Variants in TIMP2 observed in about 807,000 individuals in gnomAD.
TIMP2 encodes TIMP metallopeptidase inhibitor 2.
Under a neutral mutation model 24.3 loss-of-function variants are expected in TIMP2, and 5 were observed. That is an observed-to-expected ratio of 0.21 (90% CI 0.11 to 0.43). TIMP2 has a LOEUF of 0.43. Among genes scored for constraint, TIMP2 ranks in the 20% least tolerant of loss-of-function variants. The probability of loss-of-function intolerance (pLI) is 1.00; values close to 1 mark genes in which losing one functional copy is unlikely to be tolerated. For synonymous variants in TIMP2, 130 were observed against 123.2 expected (o/e 1.06, Z -0.37); for missense variants, 221 against 297.5 (o/e 0.74, Z 1.89).
intron 3 of TIMP2, among the ~76,000 whole-genome samples, chr17:78,870,421 AAAAGAAAG>A (rs374853871): frequency 5.8e-5 from 4 of 68,406 alleles, no homozygotes; most frequent in East Asian, 5.7e-4. Context: ...GTCTCAAAAA[AAAAGAAAG>A]AAAGAAAGAA....
At chr17:78,863,626 T>G (rs1479550735) in intron 3 of TIMP2, among the ~76,000 whole-genome samples, 1 of 152,182 alleles carries the variant, frequency 6.6e-6, no homozygotes, top group Non-Finnish European at 1.5e-5. Context: ...CAGGGAGCAA[T>G]GCCCTTTCAG....
intron 4 of TIMP2, 70 bp downstream of exon 4, chr17:78,857,452 C>A: frequency 6.3e-7 from 1 of 1,599,562 alleles, no homozygotes; most frequent in Non-Finnish European, 8.5e-7. Context: ...AGCCAGGGAT[C>A]AAAATCCCTG....
chr17:78,918,065 AACACACACACACACACACAC>A (rs57256110), intron 1 of TIMP2, among the ~76,000 whole-genome samples: 2 of 144,812 alleles, frequency 1.4e-5, no homozygotes, highest in Admixed American at 1.4e-4. Flanking sequence ...TGCACACACA[AACACACACACACACACACAC>A]ACACACACAC....
At chr17:78,856,038 G>A in intron 4 of TIMP2, 174 bp from the exon 5 acceptor site, 2 of 654,176 alleles carry the variant, frequency 3.1e-6, no homozygotes, top group Admixed American at 5.0e-5. Context: ...CCTGCGAGGG[G>A]GTCTAACCTG....
chr17:78,924,857 TG>T lies in TIMP2; in HGVS notation c.130+101del. The T allele has an allele frequency of 7.0e-6, 5 of 717,808 alleles. No individual in the cohort carries two copies. The South Asian group carries it at 2.0e-4, about 28-fold the overall frequency. 44.5% of individuals were successfully genotyped at this position (717,808 alleles called of 1,614,324 possible). ...CGCCGAGGGACCAGGAGGCGGGCGC[TG>T]GGGTCCCTCGGCCAGCGGCGGGCGG... is the stretch of plus-strand genomic sequence containing the variant. On this transcript the variant is annotated intron_variant, in intron 1 of 4. Transcript: ENST00000262768. The surrounding 1 kb of genome is among the most constrained non-coding windows in gnomAD (Gnocchi z 5.3).
chr17:78,866,471 G>C (rs2069618532), intron 3 of TIMP2, among the ~76,000 whole-genome samples: 1 of 151,928 alleles, frequency 6.6e-6, no homozygotes, highest in South Asian at 2.1e-4. Flanking sequence ...CGGTCTGCCA[G>C]CTCCTCAAAT....
At chr17:78,911,775 G>T (rs1480003815) in intron 1 of TIMP2, among the ~76,000 whole-genome samples, 1 of 151,852 alleles carries the variant, frequency 6.6e-6, no homozygotes, top group Non-Finnish European at 1.5e-5. Context: ...GCAGGGTGTG[G>T]TGGCTCACGC....
At chr17:78,902,169 C>T (rs757278843) in intron 1 of TIMP2, among the ~76,000 whole-genome samples, 1 of 152,124 alleles carries the variant, frequency 6.6e-6, no homozygotes, top group Admixed American at 6.5e-5. Flanking sequence ...TGCAGTGGTG[C>T]GATCTCAGCT....
At chr17:78,863,522 G>GGGA (rs1403418675) in intron 3 of TIMP2, among the ~76,000 whole-genome samples, 10 of 152,178 alleles carry the variant, frequency 6.6e-5, no homozygotes, top group African/African-American at 2.4e-4. Context: ...GATCACAGGC[G>GGGA]TCAGCCACTG....
chr17:78,890,263 G>A (rs1271148055), intron 1 of TIMP2, among the ~76,000 whole-genome samples: 1 of 149,224 alleles, frequency 6.7e-6, no homozygotes. Flanking sequence ...GTACAGTGGT[G>A]CAATCTCGAC....
chr17:78,876,918 C>T (rs1471364478), intron 1 of TIMP2, among the ~76,000 whole-genome samples: 3 of 152,132 alleles, frequency 2.0e-5, no homozygotes, highest in African/African-American at 4.8e-5. Flanking sequence ...TAAAATAGCC[C>T]TTTTCTGTCT....
intron 1 of TIMP2, among the ~76,000 whole-genome samples, chr17:78,911,894 C>CAAAAA (rs60505603): frequency 6.2e-4 from 70 of 112,088 alleles, no homozygotes; most frequent in African/African-American, 2.1e-3. Flanking sequence ...AAAAACACAC[C>CAAAAA]AAAAAAAAAA....
chr17:78,893,421 G>A (rs796912781), intron 1 of TIMP2, among the ~76,000 whole-genome samples: 1,374 of 105,852 alleles, frequency 0.013, 69 homozygotes, highest in African/African-American at 0.084. Context: ...GCATAGGGGT[G>A]TGTGTGCAGG....
At chr17:78,917,251 C>CAGAAAAA (rs1568009097) in intron 1 of TIMP2, among the ~76,000 whole-genome samples, 2 of 77,454 alleles carry the variant, frequency 2.6e-5, no homozygotes, top group Non-Finnish European at 4.7e-5. Flanking sequence ...GACTCCGTCT[C>CAGAAAAA]AAAAAAAAAA....
chr17:78,920,863 C>A lies in TIMP2; in HGVS notation c.130+4096G>T, dbSNP rs143613382. 7.1e-4 allele frequency among the ~76,000 whole-genome samples: 108 copies of A among 152,208 alleles called. No individual in the cohort carries two copies. Among genetic ancestry groups the A allele is most frequent in the African/African-American group, 2.5e-3 (104 of 41,524 alleles). On this transcript the variant is annotated intron_variant, in intron 1 of 4. Transcript: ENST00000262768. The surrounding 1 kb of genome is among the most constrained non-coding windows in gnomAD (Gnocchi z 4.5). ...CACCGCCTGGTGCCAAGATGTACCA[C>A]CCCCTGCATCCCCCACCACAGGGAC...
At chr17:78,863,920 G>A (rs117333544) in intron 3 of TIMP2, among the ~76,000 whole-genome samples, 41 of 152,246 alleles carry the variant, frequency 2.7e-4, no homozygotes, top group South Asian at 1.0e-3. Context: ...CCCATGTACG[G>A]ATCGGCATGG....
chr17:78,892,773 G>T (rs1364255334), intron 1 of TIMP2, among the ~76,000 whole-genome samples: 1 of 152,164 alleles, frequency 6.6e-6, no homozygotes, highest in Non-Finnish European at 1.5e-5. Context: ...CCTGCAGCTG[G>T]GTGGAGGCGA....
intron 1 of TIMP2, chr17:78,904,398 GA>G (rs2070138424): frequency 6.6e-6 from 1 of 152,098 alleles, no homozygotes; most frequent in Non-Finnish European, 1.5e-5. Context: ...CTTGAGAGAA[GA>G]AGGTAAACAG....
In TIMP2 at chr17:78,870,648, G is replaced by T. The variant is rs1219211446; in HGVS notation, c.340+250C>A. ...GCATCCCGCACTCGCCTCCCTTTTA[G>T]GAACAAAAGGCAAAAATGCTCCCTT... is the stretch of plus-strand genomic sequence containing the variant. On this transcript the variant is annotated intron_variant, in intron 3 of 4. Coordinates refer to ENST00000262768, the MANE Select transcript of TIMP2 (RefSeq NM_003255.5). 2.6e-5 allele frequency among the ~76,000 whole-genome samples: 4 copies of T among 152,072 alleles called. No homozygotes were observed. In the East Asian group the frequency reaches 7.7e-4, roughly 29 times the overall value.
Sources: allele counts gnomAD v4.1 joint callset (sites outside exome capture counted in the v4.1 genomes callset), GRCh38; gene constraint gnomAD v4.1.1; non-coding constraint Gnocchi (gnomAD v3.1); transcripts MANE v1.5; gene names NCBI Gene and HGNC (gene_info 2026-07-23, HGNC 2026-07-21).